TTC29: variants seen among roughly 807,000 people sequenced by gnomAD.
The protein encoded by TTC29 is tetratricopeptide repeat domain 29.
A neutral mutation model predicts 58.1 loss-of-function variants in TTC29; 49 were observed. The observed-to-expected ratio is 0.84, with a 90% CI of 0.67 to 1.07. The LOEUF (loss-of-function observed/expected upper bound fraction) is 1.07, where lower values mean the gene tolerates loss of function less well. Among genes scored for constraint, TTC29 ranks in the 50% least tolerant of loss-of-function variants. The probability of loss-of-function intolerance (pLI) is 0.00; values close to 1 mark genes in which losing one functional copy is unlikely to be tolerated. For missense variants in TTC29, 582 were observed against 555.6 expected (o/e 1.05, Z -0.48); for synonymous variants, 209 against 196.8 (o/e 1.06, Z -0.52).
At chr4:146,929,269 A>C (rs1465339121) in intron 4 of TTC29, among the ~76,000 whole-genome samples, 8 of 152,208 alleles carry the variant, frequency 5.3e-5, no homozygotes, top group Non-Finnish European at 1.2e-4. Context: ...CAACAAAAAA[A>C]TGCTTTGTTA....
chr4:146,848,852 G>A (rs1466545761), intron 8 of TTC29, among the ~76,000 whole-genome samples: 2 of 152,152 alleles, frequency 1.3e-5, no homozygotes, highest in African/African-American at 2.4e-5. Context: ...GTGGAAAGTT[G>A]GCATCACATC....
intron 11 of TTC29, among the ~76,000 whole-genome samples, chr4:146,751,092 G>A (rs1200540529): frequency 2.6e-5 from 4 of 152,136 alleles, no homozygotes. Context: ...TAGACTTCAA[G>A]TCAAAAACTG....
At chr4:146,914,825 G>A (rs1330907950) in intron 4 of TTC29, among the ~76,000 whole-genome samples, 1 of 152,102 alleles carries the variant, frequency 6.6e-6, no homozygotes, top group Non-Finnish European at 1.5e-5. Context: ...AAAAAATGCA[G>A]AGATTTAAAA....
intron 11 of TTC29, among the ~76,000 whole-genome samples, chr4:146,718,683 T>C (rs1310295262): frequency 6.6e-6 from 1 of 152,158 alleles, no homozygotes; most frequent in Non-Finnish European, 1.5e-5. Context: ...TGTTGTTTTC[T>C]TTTTTTGTGC....
intron 11 of TTC29, among the ~76,000 whole-genome samples, chr4:146,767,693 A>G (rs753357958): frequency 6.6e-6 from 1 of 152,062 alleles, no homozygotes; most frequent in Non-Finnish European, 1.5e-5. Flanking sequence ...TCAAGGATAC[A>G]TGCATAATTT....
chr4:146,728,162 C>T (rs1428538165), intron 11 of TTC29, among the ~76,000 whole-genome samples: 1 of 151,864 alleles, frequency 6.6e-6, no homozygotes, highest in African/African-American at 2.4e-5. Context: ...TGGTGGGCAC[C>T]TATAATCCCA....
At chr4:146,713,938 T>C (rs1347267461) in intron 11 of TTC29, among the ~76,000 whole-genome samples, 4 of 152,168 alleles carry the variant, frequency 2.6e-5, no homozygotes, top group African/African-American at 9.6e-5. Context: ...AGATAAATAG[T>C]GTGTTAATGT....
rs1013590458 is a variant in TTC29, at chr4:146,937,601, C to A, written c.169G>T (p.Val57Phe). The A allele has an allele frequency of 7.2e-6, 11 of 1,526,736 alleles. No homozygotes were observed. Among genetic ancestry groups the A allele is most frequent in the African/African-American group, 2.8e-5 (2 of 71,794 alleles). The allele number at this position is 1,526,736 out of a possible 1,614,324, so 94.6% of individuals were successfully genotyped here. A position where few individuals can be genotyped will look rare whatever the true frequency, so the allele number is the denominator to read the frequency against. The part of the protein sequence containing the change: ...VNFKGLSKEE[V>F]AAYRNSYKKN... ...TTTAAAGGTTGTACTTACGCAGCAA[C>A]TTCCTCTTTTGATAATCCTTTGAAA... Residue 57 changes from valine (V) to phenylalanine (F), a missense_variant, in exon 4 of 13, where the codon GTT (valine) becomes TTT (phenylalanine). Val to Phe is a conservative substitution (Grantham distance 50). Transcript: ENST00000325106.
intron 5 of TTC29, 38 bp from the exon 6 acceptor site, chr4:146,903,767 A>T (rs938573195): frequency 6.9e-7 from 1 of 1,455,682 alleles, no homozygotes; most frequent in African/African-American, 1.4e-5. Flanking sequence ...GGCATTAGAA[A>T]GATGTCTCAT....
chr4:146,817,917 T>G (rs1424233983), intron 10 of TTC29, among the ~76,000 whole-genome samples: 1 of 152,184 alleles, frequency 6.6e-6, no homozygotes, highest in Non-Finnish European at 1.5e-5. Context: ...CCTTACACCT[T>G]ACACAAAAAT....
At chr4:146,717,009 G>C (rs1742981267) in intron 11 of TTC29, among the ~76,000 whole-genome samples, 1 of 152,142 alleles carries the variant, frequency 6.6e-6, no homozygotes, top group Non-Finnish European at 1.5e-5. Flanking sequence ...CCGCACTTCA[G>C]ACCTAGTAAC....
At chr4:146,817,601 T>C (rs1317271591) in intron 10 of TTC29, among the ~76,000 whole-genome samples, 1 of 152,066 alleles carries the variant, frequency 6.6e-6, no homozygotes, top group Non-Finnish European at 1.5e-5. Context: ...TCATATGGAA[T>C]CAAAACAGAG....
In TTC29 at chr4:146,748,006, C is replaced by G. The variant is rs528367864; in HGVS notation, c.1331-40455G>C. Among the ~76,000 whole-genome samples, 179 of 152,344 alleles carry G rather than the reference C, an allele frequency of 1.2e-3. 1 individual carries two copies. Among genetic ancestry groups the G allele is most frequent in the African/African-American group, 4.3e-3 (178 of 41,588 alleles). On this transcript the variant is annotated intron_variant, in intron 11 of 12. Transcript: ENST00000325106. The stretch of plus-strand genomic sequence containing the variant: ...AGTGGCATCTTGCCATTCCTGGGTC[C>G]TTGCTGCTTCTGCATCTGCCTCACA...
At chr4:146,876,928 C>T (rs1347453698) in intron 6 of TTC29, among the ~76,000 whole-genome samples, 1 of 138,680 alleles carries the variant, frequency 7.2e-6, no homozygotes, top group East Asian at 2.1e-4. Flanking sequence ...GAGCAAGACT[C>T]CATCTCAAAA....
chr4:146,864,739 C>G (rs1421068794), intron 8 of TTC29, among the ~76,000 whole-genome samples: 2 of 152,088 alleles, frequency 1.3e-5, no homozygotes, highest in Non-Finnish European at 2.9e-5. Flanking sequence ...TTCACATGGT[C>G]TTTTCCTCTG....
intron 11 of TTC29, among the ~76,000 whole-genome samples, chr4:146,784,481 GTGA>G (rs955893557): frequency 1.3e-5 from 2 of 152,002 alleles, no homozygotes; most frequent in Non-Finnish European, 2.9e-5. Flanking sequence ...ACCCCACAAG[GTGA>G]TGATATTAGG....
chr4:146,920,981 A>T (rs1734539318), intron 4 of TTC29, among the ~76,000 whole-genome samples: 1 of 151,356 alleles, frequency 6.6e-6, no homozygotes, highest in African/African-American at 2.4e-5. Flanking sequence ...TTTTCCCCTT[A>T]TCTAAAAATA....
intron 3 of TTC29, among the ~76,000 whole-genome samples, chr4:146,938,294 A>T (rs1318574130): frequency 6.6e-6 from 1 of 152,152 alleles, no homozygotes; most frequent in Non-Finnish European, 1.5e-5. Context: ...ATGATGATTG[A>T]TATGGAACTA....
At chr4:146,729,654 T>C (rs1744182144) in intron 11 of TTC29, among the ~76,000 whole-genome samples, 1 of 152,082 alleles carries the variant, frequency 6.6e-6, no homozygotes, top group Non-Finnish European at 1.5e-5. Flanking sequence ...GTAATTTATT[T>C]TAAAAAAAGA....
Sources: allele counts gnomAD v4.1 joint callset (sites outside exome capture counted in the v4.1 genomes callset), GRCh38; gene constraint gnomAD v4.1.1; transcripts MANE v1.5; gene names NCBI Gene and HGNC (gene_info 2026-07-23, HGNC 2026-07-21).